Variants in AFDN observed in about 807,000 individuals in gnomAD.
AFDN encodes afadin.
Under a neutral mutation model 216.6 loss-of-function variants are expected in AFDN, and 68 were observed. That is an observed-to-expected ratio of 0.31 (90% CI 0.26 to 0.38). The LOEUF is 0.38. AFDN is among the 10% of genes least tolerant of loss of function. The pLI is 1.00. For missense variants in AFDN, 2,136 were observed against 2,342.0 expected, an observed-to-expected ratio of 0.91 and a Z score of 1.82; for synonymous variants, 868 against 853.7, an observed-to-expected ratio of 1.02 and a Z score of -0.29.
Position 167,970,528 on chromosome 6 carries a change from T to C in AFDN, c.*593T>C, listed in dbSNP as rs1797955185. On this transcript the variant is annotated 3_prime_UTR_variant, in exon 34 of 34. Coordinates refer to ENST00000683244, the MANE Select transcript of AFDN (RefSeq NM_001386888.1). ...TGAAGTGGCTTAGGCCAAAGCTTCCTGTGTGATGACGCACGTCCGAGACTG... is the reference window on the plus strand; with the variant it reads ...TGAAGTGGCTTAGGCCAAAGCTTCCCGTGTGATGACGCACGTCCGAGACTG... 4.6e-6 allele frequency: 1 copy of C among 217,254 alleles called. No individual in the cohort carries two copies. The highest frequency in any genetic ancestry group is 2.2e-5 in the African/African-American group (1 of 44,602). The allele number at this position is 217,254 out of a possible 1,614,324, so 13.5% of individuals were successfully genotyped here.
intron 1 of AFDN, among the ~76,000 whole-genome samples, chr6:167,854,972 C>T (rs1258507403): frequency 1.3e-5 from 2 of 151,696 alleles, no homozygotes; most frequent in African/African-American, 4.8e-5. Flanking sequence ...AAGTGTGTAA[C>T]TTGATTTTTT....
intron 23 of AFDN, among the ~76,000 whole-genome samples, chr6:167,938,007 ATGGAGT>A (rs1437613587): frequency 6.6e-6 from 1 of 152,182 alleles, no homozygotes; most frequent in Non-Finnish European, 1.5e-5. Flanking sequence ...GAAGCTTCTA[ATGGAGT>A]TGGAGGAAGG....
At chr6:167,837,224 A>AG (rs1016805775) in intron 1 of AFDN, among the ~76,000 whole-genome samples, 5 of 152,196 alleles carry the variant, frequency 3.3e-5, no homozygotes, top group Admixed American at 1.3e-4. Context: ...TGAAGGAGCT[A>AG]GTATGTTTGC....
chr6:167,898,145 C>T, intron 10 of AFDN, 60 bp from the exon 11 acceptor site: 4 of 1,576,486 alleles, frequency 2.5e-6, no homozygotes, highest in Non-Finnish European at 3.5e-6. Context: ...TTTTAACATT[C>T]TGTGTTTAAA....
At chr6:167,879,752 G>A (rs1325161601) in intron 5 of AFDN, among the ~76,000 whole-genome samples, 1 of 152,148 alleles carries the variant, frequency 6.6e-6, no homozygotes, top group Admixed American at 6.5e-5. Context: ...AGCTATAAAG[G>A]ACATTGTAGT....
chr6:167,911,218 A>T (rs938764826), intron 14 of AFDN, 56 bp downstream of exon 14: 12 of 1,602,726 alleles, frequency 7.5e-6, no homozygotes, highest in Admixed American at 1.7e-5. Flanking sequence ...ATTTTACTCC[A>T]TCTGATTTTC....
chr6:167,939,013 A>G (rs537706489), intron 23 of AFDN, among the ~76,000 whole-genome samples: 2 of 152,256 alleles, frequency 1.3e-5, no homozygotes, highest in African/African-American at 2.4e-5. Context: ...GAGTTTTGTT[A>G]TTACAGTTTG....
At position 167,947,936 on chromosome 6, in the gene AFDN, T is replaced by C. The variant is rs1795519177; in HGVS notation, c.3637T>C (p.Cys1213Arg). Residue 1213 changes from cysteine (C) to arginine (R), a missense_variant, in exon 28 of 34, where the codon TGC (cysteine) becomes CGC (arginine). Cys to Arg is a radical substitution (Grantham distance 180). Coordinates refer to ENST00000683244, the MANE Select transcript of AFDN (RefSeq NM_001386888.1). Reference sequence around the variant, plus strand: ...AACATCTGTCTCTACTGGAAACCTCTGCACTGAGGTCTGATTGATTGATAA... The same window carrying C: ...AACATCTGTCTCTACTGGAAACCTCCGCACTGAGGTCTGATTGATTGATAA... ...KITSVSTGNL[C>R]TEEQTPPPRP... is the part of the protein sequence containing the mutation. 1 of 1,609,872 alleles carries C rather than the reference T, an allele frequency of 6.2e-7. No individual in the cohort carries two copies. The highest frequency in any genetic ancestry group is 8.5e-7 in the Non-Finnish European group (1 of 1,176,144).
At chr6:167,910,019 T>C (rs531769636) in intron 13 of AFDN, among the ~76,000 whole-genome samples, 1 of 152,304 alleles carries the variant, frequency 6.6e-6, no homozygotes, top group South Asian at 2.1e-4. Flanking sequence ...CTTAGAGTAA[T>C]AAGTAAATGG....
intron 1 of AFDN, among the ~76,000 whole-genome samples, chr6:167,854,068 C>CT (rs1378995217): frequency 6.6e-6 from 1 of 151,814 alleles, no homozygotes; most frequent in African/African-American, 2.4e-5. Flanking sequence ...TGGGTATATA[C>CT]TTTTTTTTCC....
intron 1 of AFDN, among the ~76,000 whole-genome samples, chr6:167,834,094 AT>A (rs201179275): frequency 1.3e-5 from 2 of 151,680 alleles, no homozygotes; most frequent in African/African-American, 2.4e-5. Context: ...AAAACTTGGA[AT>A]TTTTTTTTAA....
At chr6:167,929,705 G>A (rs959684292) in intron 23 of AFDN, among the ~76,000 whole-genome samples, 3 of 152,242 alleles carry the variant, frequency 2.0e-5, no homozygotes, top group Non-Finnish European at 4.4e-5. Context: ...GAGGTAGAGA[G>A]TGGCTGGAAA....
chr6:167,847,421 G>T (rs1046283960), intron 1 of AFDN, among the ~76,000 whole-genome samples: 3 of 152,120 alleles, frequency 2.0e-5, no homozygotes, highest in African/African-American at 7.2e-5. Flanking sequence ...CTCAAAGTGA[G>T]CCTGTCCAAA....
chr6:167,864,207 T>C lies in AFDN; in HGVS notation c.106-344T>C. On this transcript the variant is annotated intron_variant, in intron 1 of 33. Transcript: ENST00000683244. ...TGGACAACTAGATCTTGAAATAGGG[T>C]TAAATAATAGTATCTGTTGAGCTGC... 3.9e-6 allele frequency: 2 copies of C among 514,854 alleles called. 1 individual carries two copies. Among genetic ancestry groups the C allele is most frequent in the South Asian group, 2.9e-5 (2 of 69,752 alleles). 31.9% of individuals were successfully genotyped at this position (514,854 alleles called of 1,614,324 possible). A position where few individuals can be genotyped will look rare whatever the true frequency, so the allele number is the denominator to read the frequency against.
rs367915493 is a variant in AFDN at position 167,893,851 on chromosome 6, C to T, written c.1178-11C>T. 8 of 1,581,634 alleles carry T rather than the reference C, an allele frequency of 5.1e-6. No individual in the cohort carries two copies. In the African/African-American group the frequency reaches 1.1e-4, roughly 21 times the overall value. ...CCTTCACCTGGGTCCTGGCATGTGTCTTAACCCCAGGGAGAAGGAATCACT... is the reference window on the plus strand; with the variant it reads ...CCTTCACCTGGGTCCTGGCATGTGTTTTAACCCCAGGGAGAAGGAATCACT... On this transcript the variant is annotated splice_polypyrimidine_tract_variant and intron_variant, in intron 8 of 33. Transcript: ENST00000683244.
At chr6:167,859,394 G>T (rs750720311) in intron 1 of AFDN, among the ~76,000 whole-genome samples, 1 of 152,146 alleles carries the variant, frequency 6.6e-6, no homozygotes, top group Non-Finnish European at 1.5e-5. Flanking sequence ...ACCAGCATAA[G>T]AAATAAATTG....
At chr6:167,924,153 C>G (rs979237103) in intron 22 of AFDN, among the ~76,000 whole-genome samples, 1 of 152,000 alleles carries the variant, frequency 6.6e-6, no homozygotes, top group African/African-American at 2.4e-5. Flanking sequence ...AAAATAGTCT[C>G]TTACAAGCTT....
In AFDN at chr6:167,952,130, C is replaced by T. The variant is rs138409874; in HGVS notation, c.4776C>T (p.Asp1592=). Residue 1592 remains aspartate (D), a synonymous_variant, in exon 30 of 34, where the codon GAC becomes GAT. Coordinates refer to ENST00000683244, the MANE Select transcript of AFDN (RefSeq NM_001386888.1). ...ACGAAGATGACGAGGAGGAGGAGGA[C>T]GATGATGTGGACACCATGCTGATCA... The part of the protein sequence containing the change: ...QKDEDDEEEE[D]DDVDTMLIMQ... 195 of 1,614,018 alleles carry T rather than the reference C, an allele frequency of 1.2e-4. No homozygotes were observed. The African/African-American group carries it at 1.9e-3, about 16-fold the overall frequency.
chr6:167,898,538 T>A, intron 11 of AFDN, 71 bp downstream of exon 11: 2 of 1,411,960 alleles, frequency 1.4e-6, no homozygotes, highest in Non-Finnish European at 1.9e-6. Context: ...TTCATAGATA[T>A]CTTGGCTTTT....
Sources: gnomAD v4.1 joint callset for allele counts (sites outside exome capture counted in the v4.1 genomes callset) on GRCh38, gnomAD v4.1.1 for gene constraint, MANE v1.5 for transcripts, NCBI Gene and HGNC (gene_info 2026-07-23, HGNC 2026-07-21) for gene names.